Variants in PATJ observed in about 807,000 individuals in gnomAD.
PATJ encodes inaD-like protein.
Under a neutral mutation model 224.9 loss-of-function variants are expected in PATJ, and 190 were observed. That is an observed-to-expected ratio of 0.84 (90% CI 0.75 to 0.95). The LOEUF is 0.95. PATJ is among the 40% of genes least tolerant of loss of function. The pLI is 0.00. For synonymous variants in PATJ, 769 were observed against 820.3 expected (o/e 0.94, Z 1.07); for missense variants, 2,121 against 2,270.3 (o/e 0.93, Z 1.34).
chr1:61,768,438 C>G (rs1646412752), intron 4 of PATJ, among the ~76,000 whole-genome samples: 1 of 149,578 alleles, frequency 6.7e-6, no homozygotes, highest in South Asian at 2.1e-4. Flanking sequence ...CCACTGCACT[C>G]CAGCCTGGGC....
intron 31 of PATJ, 102 bp downstream of exon 31, chr1:62,051,160 CA>C (rs1653544358): frequency 2.4e-6 from 2 of 840,336 alleles, no homozygotes; most frequent in Non-Finnish European, 3.8e-6. Flanking sequence ...TTGCTTCTCT[CA>C]GGAATCTTCG....
chr1:62,011,374 C>T (rs1251320988), intron 28 of PATJ, among the ~76,000 whole-genome samples: 1 of 152,068 alleles, frequency 6.6e-6, no homozygotes, highest in Non-Finnish European at 1.5e-5. Context: ...ATTAATTGGC[C>T]TAACTTTAAT....
intron 14 of PATJ, among the ~76,000 whole-genome samples, chr1:61,809,024 G>C (rs1377717558): frequency 6.6e-6 from 1 of 152,174 alleles, no homozygotes; most frequent in Admixed American, 6.5e-5. Context: ...AAGGCTTCAG[G>C]TTCAGATGTT....
chr1:62,125,254 C>CAAAAAAAAAAAAAAAAA (rs779305398), intron 39 of PATJ, among the ~76,000 whole-genome samples: 2 of 71,418 alleles, frequency 2.8e-5, no homozygotes, highest in Non-Finnish European at 5.2e-5. Context: ...AAAAAAAAAA[C>CAAAAAAAAAAAAAAAAA]AAAAAAAAAC....
At chr1:61,803,984 C>T (rs61770135) in intron 12 of PATJ, among the ~76,000 whole-genome samples, 12,481 of 152,086 alleles carry the variant, frequency 0.082, 719 homozygotes, top group South Asian at 0.23. Context: ...TTTCATTGTA[C>T]AACTGAAAGG....
intron 28 of PATJ, among the ~76,000 whole-genome samples, chr1:62,000,173 GCCACCGTGC>G (rs2149600765): frequency 1.3e-5 from 2 of 151,016 alleles, no homozygotes; most frequent in African/African-American, 4.9e-5. Context: ...GCAGGTGACA[GCCACCGTGC>G]CCAGCCTAGA....
At chr1:62,125,265 AAAAAAAAAACG>A in intron 39 of PATJ, among the ~76,000 whole-genome samples, 1 of 59,970 alleles carries the variant, frequency 1.7e-5, no homozygotes, top group African/African-American at 4.3e-5. Context: ...AAAAAAAAAC[AAAAAAAAAACG>A]CCATTAGCTC....
At chr1:61,950,198 CA>C (rs750844417) in intron 27 of PATJ, among the ~76,000 whole-genome samples, 2 of 152,072 alleles carry the variant, frequency 1.3e-5, no homozygotes, top group Non-Finnish European at 2.9e-5. Context: ...AGCGAGACTC[CA>C]CCTAAAAAAT....
intron 20 of PATJ, among the ~76,000 whole-genome samples, chr1:61,865,025 G>C (rs1381489489): frequency 6.6e-6 from 1 of 151,796 alleles, no homozygotes; most frequent in African/African-American, 2.4e-5. Context: ...GGCCAAGTTA[G>C]TACATACATA....
At chr1:61,808,596 G>T in intron 14 of PATJ, 66 bp downstream of exon 14, 1 of 995,564 alleles carries the variant, frequency 1.0e-6, no homozygotes, top group Non-Finnish European at 1.6e-6. Context: ...TCACTATGTT[G>T]TCCAGGTTGG....
chr1:61,829,439 G>T (rs1407612209), intron 16 of PATJ, among the ~76,000 whole-genome samples: 1 of 152,114 alleles, frequency 6.6e-6, no homozygotes. Context: ...ATCTAATCTT[G>T]CAAGGTGTGT....
At chr1:62,011,901 C>T (rs1048979263) in intron 28 of PATJ, among the ~76,000 whole-genome samples, 1 of 151,822 alleles carries the variant, frequency 6.6e-6, no homozygotes, top group African/African-American at 2.4e-5. Context: ...GTGGCGCATG[C>T]CTGTGGTCCC....
At chr1:61,816,887 G>T (rs1398552427) in intron 14 of PATJ, among the ~76,000 whole-genome samples, 1 of 152,158 alleles carries the variant, frequency 6.6e-6, no homozygotes, top group Non-Finnish European at 1.5e-5. Flanking sequence ...AAATACACAT[G>T]CCCTGTTTTG....
chr1:61,850,086 G>T (rs997532421), intron 17 of PATJ, among the ~76,000 whole-genome samples: 7 of 152,046 alleles, frequency 4.6e-5, no homozygotes, highest in African/African-American at 1.7e-4. Context: ...GTTTGCCATG[G>T]TAGCTTGGAT....
At chr1:62,083,861 A>G (rs1374438733) in intron 32 of PATJ, among the ~76,000 whole-genome samples, 1 of 152,220 alleles carries the variant, frequency 6.6e-6, no homozygotes, top group East Asian at 1.9e-4. Context: ...ATCTCCTGTT[A>G]TACCAGCCTT....
At chr1:61,757,946 T>C (rs1645744364) in intron 1 of PATJ, among the ~76,000 whole-genome samples, 1 of 152,138 alleles carries the variant, frequency 6.6e-6, no homozygotes, top group Admixed American at 6.6e-5. Flanking sequence ...GCCAGCATGC[T>C]TGGCTTAACT....
chr1:61,946,233 A>C (rs994891281), intron 27 of PATJ, among the ~76,000 whole-genome samples: 4 of 152,192 alleles, frequency 2.6e-5, no homozygotes, highest in African/African-American at 9.6e-5. Context: ...GAACTGAAGG[A>C]GATAGAGACA....
At chr1:61,846,971 T>A (rs1042151580) in intron 17 of PATJ, among the ~76,000 whole-genome samples, 2 of 152,184 alleles carry the variant, frequency 1.3e-5, no homozygotes, top group African/African-American at 4.8e-5. Flanking sequence ...AGCAAGATGA[T>A]GGGGCTTTTA....
At chr1:61,956,098 G>A (rs992013716) in intron 27 of PATJ, among the ~76,000 whole-genome samples, 1 of 152,180 alleles carries the variant, frequency 6.6e-6, no homozygotes, top group Non-Finnish European at 1.5e-5. Flanking sequence ...CATGCCATGA[G>A]GTTTAGGGTA....
Sources: gnomAD v4.1 joint callset for allele counts (sites outside exome capture counted in the v4.1 genomes callset) on GRCh38, gnomAD v4.1.1 for gene constraint, MANE v1.5 for transcripts, NCBI Gene and HGNC (gene_info 2026-07-23, HGNC 2026-07-21) for gene names.